LDLRAD3: variants seen among roughly 807,000 people sequenced by gnomAD.
LDLRAD3 encodes the protein low density lipoprotein receptor class A domain containing 3, also known as low-density lipoprotein receptor class A domain-containing protein 3.
In LDLRAD3, 20 loss-of-function variants were observed where a neutral mutation model predicts 29.4. That is an observed-to-expected ratio of 0.68 (90% CI 0.48 to 0.99). LDLRAD3 has a LOEUF of 0.99. LDLRAD3 is among the 50% of genes least tolerant of loss of function. The probability of loss-of-function intolerance (pLI) is 0.00; values close to 1 mark genes in which losing one functional copy is unlikely to be tolerated. For synonymous variants in LDLRAD3, 157 were observed against 192.7 expected (o/e 0.81, Z 1.53); for missense variants, 420 against 454.3 (o/e 0.92, Z 0.69).
chr11:35,980,513 A>G (rs1851527509), intron 1 of LDLRAD3, among the ~76,000 whole-genome samples: 1 of 152,194 alleles, frequency 6.6e-6, no homozygotes, highest in African/African-American at 2.4e-5. Context: ...ACTTTGTTAA[A>G]GTTTGGGAGA....
At chr11:36,026,676 C>T (rs566580817) in intron 1 of LDLRAD3, among the ~76,000 whole-genome samples, 5 of 152,330 alleles carry the variant, frequency 3.3e-5, no homozygotes, top group East Asian at 3.8e-4. Context: ...GACCTCTGGT[C>T]GTCCTCATTG....
chr11:36,221,509 A>G (rs1427349588), intron 4 of LDLRAD3, among the ~76,000 whole-genome samples: 1 of 152,198 alleles, frequency 6.6e-6, no homozygotes, highest in Non-Finnish European at 1.5e-5. Context: ...ACAGGAAACA[A>G]TAAAGGAACT....
At chr11:36,127,541 A>G (rs193095954) in intron 4 of LDLRAD3, among the ~76,000 whole-genome samples, 6 of 152,308 alleles carry the variant, frequency 3.9e-5, no homozygotes, top group Admixed American at 1.3e-4. Context: ...GTAGGTACTC[A>G]AGAAATGCTT....
intron 4 of LDLRAD3, among the ~76,000 whole-genome samples, chr11:36,179,839 A>C (rs933838200): frequency 6.6e-6 from 1 of 152,060 alleles, no homozygotes; most frequent in Non-Finnish European, 1.5e-5. Context: ...ACAAAAAAAT[A>C]AAAAATTAGC....
chr11:36,034,576 A>G (rs751088019), intron 1 of LDLRAD3, among the ~76,000 whole-genome samples: 5 of 152,224 alleles, frequency 3.3e-5, no homozygotes, highest in African/African-American at 1.2e-4. Context: ...ATTCTGTATA[A>G]TGCAGCAGAT....
rs183796231 is a variant in LDLRAD3, at chr11:36,051,350, G to A, written c.193+15101G>A. Among the ~76,000 whole-genome samples the A allele has an allele frequency of 6.6e-5, 10 of 152,276 alleles. No homozygotes were observed. In the East Asian group the frequency reaches 1.7e-3, roughly 26 times the overall value. On this transcript the variant is annotated intron_variant, in intron 2 of 5. Coordinates refer to ENST00000315571, the MANE Select transcript of LDLRAD3 (RefSeq NM_174902.4). ...GGTCAACATGGTTGAGAGCATTGGCGCCAAAGTGGGATGAGTGAGTCAAAT... is the reference window on the plus strand; with the variant it reads ...GGTCAACATGGTTGAGAGCATTGGCACCAAAGTGGGATGAGTGAGTCAAAT...
chr11:36,054,711 G>GTGGGTGGATGGA (rs1554960935), intron 2 of LDLRAD3, among the ~76,000 whole-genome samples: 8 of 146,222 alleles, frequency 5.5e-5, no homozygotes, highest in Non-Finnish European at 7.6e-5. Context: ...GGATGGGTGG[G>GTGGGTGGATGGA]TGGATGGATG....
chr11:36,096,440 A>G (rs2133271940), intron 3 of LDLRAD3, among the ~76,000 whole-genome samples: 1 of 152,290 alleles, frequency 6.6e-6, no homozygotes, highest in East Asian at 1.9e-4. Flanking sequence ...TGTACCCACC[A>G]CATGAATATG....
chr11:36,202,017 C>A (rs948276997), intron 4 of LDLRAD3, among the ~76,000 whole-genome samples: 2 of 151,384 alleles, frequency 1.3e-5, no homozygotes, highest in African/African-American at 4.9e-5. Flanking sequence ...TGTCAAAGAC[C>A]CCTCCTTGGG....
chr11:36,102,560 A>G (rs1401221312), intron 4 of LDLRAD3, among the ~76,000 whole-genome samples: 2 of 152,096 alleles, frequency 1.3e-5, no homozygotes, highest in Non-Finnish European at 2.9e-5. Flanking sequence ...AAACTAACAT[A>G]CAGTCTGTAA....
At chr11:36,036,724 C>T (rs1279215517) in intron 2 of LDLRAD3, among the ~76,000 whole-genome samples, 2 of 152,176 alleles carry the variant, frequency 1.3e-5, no homozygotes, top group African/African-American at 2.4e-5. Flanking sequence ...AAGTATTCAG[C>T]ATGGAGTTGG....
At chr11:36,057,036 C>G (rs1852631783) in intron 2 of LDLRAD3, among the ~76,000 whole-genome samples, 2 of 152,266 alleles carry the variant, frequency 1.3e-5, no homozygotes, top group African/African-American at 4.8e-5. Flanking sequence ...CTTTGAGCCA[C>G]AAGGGTCTAG....
intron 2 of LDLRAD3, among the ~76,000 whole-genome samples, chr11:36,063,772 G>A (rs1310878081): frequency 1.3e-5 from 2 of 152,242 alleles, no homozygotes; most frequent in East Asian, 1.9e-4. Context: ...ATCCATATGT[G>A]TACCCTTATG....
At chr11:36,098,999 T>TC (rs11387265) in intron 4 of LDLRAD3, among the ~76,000 whole-genome samples, 45,217 of 151,878 alleles carry the variant, frequency 0.3, 7,390 homozygotes, top group East Asian at 0.46. Context: ...ATTTTTTTTT[T>TC]CCCATTTTTG....
intron 1 of LDLRAD3, among the ~76,000 whole-genome samples, chr11:35,947,510 A>G (rs1006165587): frequency 2.6e-5 from 4 of 152,036 alleles, no homozygotes; most frequent in African/African-American, 7.2e-5. Flanking sequence ...AAAAAAAAAA[A>G]AAAGAAAAAA....
intron 4 of LDLRAD3, among the ~76,000 whole-genome samples, chr11:36,126,509 T>G (rs572689981): frequency 1.9e-3 from 284 of 152,268 alleles, no homozygotes; most frequent in Non-Finnish European, 2.7e-3. Flanking sequence ...GGTTGAGGAT[T>G]GGCCTTCGGT....
intron 1 of LDLRAD3, among the ~76,000 whole-genome samples, chr11:35,993,851 C>T (rs115587311): frequency 0.019 from 2,857 of 151,996 alleles, 93 homozygotes; most frequent in African/African-American, 0.063. Context: ...GTTTTTTTTC[C>T]ACCAAGTTTT....
chr11:36,204,494 CTTTCT>C (rs1157636763), intron 4 of LDLRAD3, among the ~76,000 whole-genome samples: 8 of 77,462 alleles, frequency 1.0e-4, no homozygotes, highest in African/African-American at 3.7e-4. Flanking sequence ...GTTTCTCTCT[CTTTCT>C]TTTTTTTTTT....
chr11:35,986,570 A>T (rs964033806), intron 1 of LDLRAD3, among the ~76,000 whole-genome samples: 1 of 152,196 alleles, frequency 6.6e-6, no homozygotes, highest in African/African-American at 2.4e-5. Flanking sequence ...GCCCCTGCAG[A>T]TTGGATGGCA....
Sources: gnomAD v4.1 joint callset for allele counts (sites outside exome capture counted in the v4.1 genomes callset) on GRCh38, gnomAD v4.1.1 for gene constraint, MANE v1.5 for transcripts, NCBI Gene and HGNC (gene_info 2026-07-23, HGNC 2026-07-21) for gene names.